RNF19A: variants seen among roughly 807,000 people sequenced by gnomAD.
RNF19A encodes the protein ring finger protein 19A, RBR E3 ubiquitin protein ligase.
Under a neutral mutation model 75.7 loss-of-function variants are expected in RNF19A, and 32 were observed. The observed-to-expected ratio is 0.42, with a 90% CI of 0.32 to 0.57. RNF19A has a LOEUF of 0.57. RNF19A is among the 20% of genes least tolerant of loss of function. The pLI is 0.10. For synonymous variants in RNF19A, 335 were observed against 345.2 expected, an observed-to-expected ratio of 0.97 and a Z score of 0.33; for missense variants, 782 against 1,036.3, an observed-to-expected ratio of 0.75 and a Z score of 3.37.
intron 1 of RNF19A, among the ~76,000 whole-genome samples, chr8:100,298,191 A>T (rs1821659688): frequency 8.2e-6 from 1 of 121,414 alleles, no homozygotes; most frequent in African/African-American, 3.7e-5. Flanking sequence ...TTTACCATGT[A>T]TTGGGTTAAA....
intron 1 of RNF19A, among the ~76,000 whole-genome samples, chr8:100,327,108 G>C (rs913805082): frequency 6.6e-6 from 1 of 152,044 alleles, no homozygotes; most frequent in African/African-American, 2.4e-5. Context: ...CACATCTTTG[G>C]TTTGGTTTTT....
At chr8:100,267,132 T>C (rs1237191826) in intron 5 of RNF19A, among the ~76,000 whole-genome samples, 1 of 152,172 alleles carries the variant, frequency 6.6e-6, no homozygotes, top group Admixed American at 6.5e-5. Context: ...GTTGGTGGTT[T>C]CCCCATGACT....
chr8:100,291,147 T>C (rs544935876), intron 1 of RNF19A, among the ~76,000 whole-genome samples: 1 of 152,320 alleles, frequency 6.6e-6, no homozygotes, highest in African/African-American at 2.4e-5. Flanking sequence ...AGGTAAGATA[T>C]ATTCCTGAAT....
upstream of RNF19A, chr8:100,310,226 G>T (rs1261766670): frequency 5.1e-6 from 5 of 985,028 alleles, no homozygotes; most frequent in Non-Finnish European, 6.0e-6. Context: ...CACCGGGCCC[G>T]CTGCGGGCGG....
chr8:100,312,206 G>A (rs1554675271), upstream of RNF19A: 1 of 152,310 alleles, frequency 6.6e-6, no homozygotes, highest in South Asian at 2.1e-4. Context: ...TCTGCTTTTA[G>A]AGCAGTGTTT....
chr8:100,273,890 C>T (rs1027186251), intron 3 of RNF19A, among the ~76,000 whole-genome samples: 3 of 152,212 alleles, frequency 2.0e-5, no homozygotes, highest in Non-Finnish European at 4.4e-5. Flanking sequence ...TCAAGTGATT[C>T]TCCTGCCTCA....
upstream of RNF19A, chr8:100,313,497 G>A (rs1288296630): frequency 6.5e-6 from 1 of 153,084 alleles, no homozygotes; most frequent in Non-Finnish European, 1.4e-5. Flanking sequence ...ATAGCAAAAG[G>A]GAGGGGAGTA....
intron 1 of RNF19A, among the ~76,000 whole-genome samples, chr8:100,292,933 T>C (rs1018648319): frequency 1.3e-5 from 2 of 152,208 alleles, no homozygotes; most frequent in African/African-American, 2.4e-5. Flanking sequence ...CCCAAACTTT[T>C]TGGTACCAGG....
Position 100,259,018 on chromosome 8 carries a change from C to T in RNF19A, c.2055G>A (p.Lys685=), listed in dbSNP as rs762114396. Residue 685 remains lysine, a synonymous_variant, in exon 10 of 10, where the codon AAG becomes AAA. Coordinates refer to ENST00000341084, the MANE Select transcript of RNF19A (RefSeq NM_183419.4). The surrounding 1 kb of genome is among the most constrained non-coding windows in gnomAD (Gnocchi z 4.5). ...CCATGTCCTCTCTCGTCTCATTTAT[C>T]TTCATGTTACCCTTTTTCCTCAGTT... is the stretch of plus-strand genomic sequence containing the variant. ...SGKLRKKGNM[K]INETREDMDA... The T allele has an allele frequency of 3.2e-5, 51 of 1,614,064 alleles. No homozygotes were observed. Among genetic ancestry groups the T allele is most frequent in the Non-Finnish European group, 4.0e-5 (47 of 1,180,036 alleles).
chr8:100,265,798 A>G (rs2132511722), intron 5 of RNF19A, among the ~76,000 whole-genome samples: 1 of 152,282 alleles, frequency 6.6e-6, no homozygotes, highest in East Asian at 1.9e-4. Flanking sequence ...AAACCTTTCT[A>G]TTTCCTAGTC....
At chr8:100,265,964 T>A (rs1410369486) in intron 5 of RNF19A, among the ~76,000 whole-genome samples, 1 of 152,174 alleles carries the variant, frequency 6.6e-6, no homozygotes, top group African/African-American at 2.4e-5. Context: ...CCACTCCCAT[T>A]CCTGGGAAAC....
At chr8:100,310,041 ACTC>A (rs1822241314), upstream of RNF19A, 1 of 984,346 alleles carries the variant, frequency 1.0e-6, no homozygotes, top group South Asian at 4.7e-5. Flanking sequence ...GCTTTCCCGA[ACTC>A]CTCCTCCGCA....
intron 2 of RNF19A, among the ~76,000 whole-genome samples, chr8:100,286,755 A>G (rs557290020): frequency 2.0e-5 from 3 of 152,306 alleles, no homozygotes; most frequent in Admixed American, 2.0e-4. Context: ...CTGGTTTACT[A>G]ATAGTATGCT....
chr8:100,262,462 G>A (rs755991997), intron 7 of RNF19A, among the ~76,000 whole-genome samples: 31 of 152,114 alleles, frequency 2.0e-4, no homozygotes, highest in Non-Finnish European at 3.7e-4. Flanking sequence ...AGAACTGCCA[G>A]TTTAAAAGCC....
chr8:100,278,845 A>C (rs2129779913), intron 2 of RNF19A, among the ~76,000 whole-genome samples: 1 of 152,266 alleles, frequency 6.6e-6, no homozygotes, highest in South Asian at 2.1e-4. Context: ...GCAGAACATC[A>C]ACCTCGCCGT....
At chr8:100,274,779 T>C (rs991240628) in intron 3 of RNF19A, among the ~76,000 whole-genome samples, 174 bp downstream of exon 3, 2 of 152,218 alleles carry the variant, frequency 1.3e-5, no homozygotes, top group African/African-American at 4.8e-5. Flanking sequence ...GTATAATCTT[T>C]CTAATTTCAG....
chr8:100,326,971 C>T (rs1310428823), intron 1 of RNF19A, among the ~76,000 whole-genome samples: 3 of 152,186 alleles, frequency 2.0e-5, no homozygotes, highest in Admixed American at 6.5e-5. Flanking sequence ...GGGTTGACAT[C>T]CTTGGATCTG....
intron 1 of RNF19A, among the ~76,000 whole-genome samples, chr8:100,308,152 T>C (rs1012327751): frequency 6.6e-6 from 1 of 152,164 alleles, no homozygotes; most frequent in Non-Finnish European, 1.5e-5. Context: ...GAAGCTAAGA[T>C]AGTGAAAAAA....
chr8:100,335,458 C>T (rs1822667139), intron 1 of RNF19A, among the ~76,000 whole-genome samples: 1 of 152,100 alleles, frequency 6.6e-6, no homozygotes. Flanking sequence ...GTTTCTATTT[C>T]AAAGGAAAAT....
Sources: allele counts gnomAD v4.1 joint callset (sites outside exome capture counted in the v4.1 genomes callset), GRCh38; gene constraint gnomAD v4.1.1; non-coding constraint Gnocchi (gnomAD v3.1); transcripts MANE v1.5; gene names NCBI Gene and HGNC (gene_info 2026-07-23, HGNC 2026-07-21).